The following CDK8 variants were observed in gnomAD, a reference collection of about 807,000 sequenced individuals.
CDK8 encodes cyclin-dependent kinase 8.
Under a neutral mutation model 71.5 loss-of-function variants are expected in CDK8, and 29 were observed. That is an observed-to-expected ratio of 0.41 (90% CI 0.30 to 0.55). The LOEUF (loss-of-function observed/expected upper bound fraction) is 0.55. CDK8 is among the 20% of genes least tolerant of loss of function. The pLI is 0.37. For synonymous variants in CDK8, 161 were observed against 192.1 expected (o/e 0.84, Z 1.34); for missense variants, 288 against 572.6 (o/e 0.50, Z 5.07).
At chr13:26,353,908 T>C (rs1358980521) in intron 4 of CDK8, 28 bp downstream of exon 4, 4 of 1,599,340 alleles carry the variant, frequency 2.5e-6, no homozygotes, top group Non-Finnish European at 3.4e-6. Flanking sequence ...TGGTTTAAAC[T>C]AGAAAGATGC....
chr13:26,299,921 A>T (rs1481220565), intron 1 of CDK8, among the ~76,000 whole-genome samples: 2 of 152,186 alleles, frequency 1.3e-5, no homozygotes, highest in African/African-American at 4.8e-5. Flanking sequence ...CTAATTTTTT[A>T]AAACAATTCT....
chr13:26,402,857 G>GT (rs1566001623), intron 12 of CDK8, among the ~76,000 whole-genome samples: 3 of 152,152 alleles, frequency 2.0e-5, no homozygotes, highest in African/African-American at 7.2e-5. Flanking sequence ...ATTGTTGTTG[G>GT]TTTTTTGTGG....
chr13:26,274,547 T>C (rs1401718423), intron 1 of CDK8, among the ~76,000 whole-genome samples: 1 of 151,872 alleles, frequency 6.6e-6, no homozygotes, highest in African/African-American at 2.4e-5. Context: ...TTCTCCTGCC[T>C]CAGCCTCCCG....
intron 1 of CDK8, among the ~76,000 whole-genome samples, chr13:26,270,849 A>G (rs1036926704): frequency 3.9e-5 from 6 of 152,192 alleles, no homozygotes; most frequent in African/African-American, 1.4e-4. Context: ...ATTATAACCA[A>G]GAGTGGAATT....
chr13:26,336,134 C>CACAT (rs1230911487), intron 1 of CDK8, among the ~76,000 whole-genome samples: 210 of 151,542 alleles, frequency 1.4e-3, no homozygotes, highest in African/African-American at 4.8e-3. Flanking sequence ...CACACACACA[C>CACAT]ACACACACAT....
At chr13:26,275,046 C>G (rs573690907) in intron 1 of CDK8, among the ~76,000 whole-genome samples, 1 of 152,218 alleles carries the variant, frequency 6.6e-6, no homozygotes, top group South Asian at 2.1e-4. Flanking sequence ...TTGAATAATT[C>G]TTTCTCAATT....
At chr13:26,352,626 C>T (rs1388214023) in intron 3 of CDK8, among the ~76,000 whole-genome samples, 1 of 152,002 alleles carries the variant, frequency 6.6e-6, no homozygotes, top group Non-Finnish European at 1.5e-5. Context: ...TGTTTGCCTG[C>T]TATTAAATAC....
At chr13:26,275,140 G>T (rs987344186) in intron 1 of CDK8, among the ~76,000 whole-genome samples, 2 of 151,998 alleles carry the variant, frequency 1.3e-5, no homozygotes, top group African/African-American at 4.8e-5. Context: ...CCATTGATCT[G>T]TCTATTCCTG....
At chr13:26,362,264 A>T (rs1565986180) in intron 4 of CDK8, among the ~76,000 whole-genome samples, 1 of 150,058 alleles carries the variant, frequency 6.7e-6, no homozygotes, top group Non-Finnish European at 1.5e-5. Context: ...GGATGGATGG[A>T]TGGATAGATA....
chr13:26,261,443 C>T (rs1365327455), intron 1 of CDK8, among the ~76,000 whole-genome samples: 2 of 152,114 alleles, frequency 1.3e-5, no homozygotes, highest in Non-Finnish European at 2.9e-5. Flanking sequence ...CAAAAAGAAA[C>T]CCATTAAGCA....
intron 6 of CDK8, among the ~76,000 whole-genome samples, chr13:26,392,302 T>G (rs1369942738): frequency 6.6e-6 from 1 of 150,482 alleles, no homozygotes; most frequent in Non-Finnish European, 1.5e-5. Context: ...CTTTTGTCAA[T>G]AATTCATTTG....
chr13:26,356,793 G>T (rs1873917267), intron 4 of CDK8, among the ~76,000 whole-genome samples: 1 of 152,004 alleles, frequency 6.6e-6, no homozygotes, highest in Admixed American at 6.6e-5. Flanking sequence ...AATATTTGTT[G>T]TTACTTGCAT....
Position 26,352,512 on chromosome 13 carries a change from G to A in CDK8, c.316-1228G>A, listed in dbSNP as rs7324669. ...ATTACAGGCGTGAGCCACCATGCCC[G>A]GCCCAAGAATCTTCTTCTTAAGGAG... is the stretch of plus-strand genomic sequence containing the variant. On this transcript the variant is annotated intron_variant, in intron 3 of 12. Transcript: ENST00000381527. 6.6e-3 allele frequency among the ~76,000 whole-genome samples: 1,002 copies of A among 152,128 alleles called. 10 individuals are homozygous for A. Among genetic ancestry groups the A allele is most frequent in the African/African-American group, 0.021 (866 of 41,500 alleles).
chr13:26,362,665 T>C (rs912058689), intron 4 of CDK8, among the ~76,000 whole-genome samples: 6 of 152,152 alleles, frequency 3.9e-5, no homozygotes, highest in Non-Finnish European at 5.9e-5. Context: ...CTTTCCACTT[T>C]AGTCTACTGT....
At chr13:26,323,980 G>GTTT in intron 1 of CDK8, among the ~76,000 whole-genome samples, 1 of 152,178 alleles carries the variant, frequency 6.6e-6, no homozygotes, top group African/African-American at 2.4e-5. Context: ...TCCCTAACAT[G>GTTT]TTTGTACCAG....
chr13:26,279,967 TTG>T (rs148491122), intron 1 of CDK8, among the ~76,000 whole-genome samples: 102 of 149,238 alleles, frequency 6.8e-4, no homozygotes, highest in Admixed American at 2.2e-3. Flanking sequence ...CAGAAGAAAA[TTG>T]TGTGTGTGTG....
At chr13:26,298,784 C>CA (rs1446095474) in intron 1 of CDK8, among the ~76,000 whole-genome samples, 1 of 152,162 alleles carries the variant, frequency 6.6e-6, no homozygotes, top group Non-Finnish European at 1.5e-5. Context: ...TAGACCACGG[C>CA]ACCCTTGGCA....
In CDK8 at chr13:26,355,102, T is replaced by C. The variant is rs545479305; in HGVS notation, c.456+1222T>C. Among the ~76,000 whole-genome samples, 8 of 152,332 alleles carry C rather than the reference T, an allele frequency of 5.3e-5. No individual in the cohort carries two copies. The South Asian group carries it at 1.4e-3, about 28-fold the overall frequency. ...TTCTTCACAAATTTAGTGGATTTAG[T>C]CTCTGGCCTTCAATGTGCTGTTCCA... On this transcript the variant is annotated intron_variant, in intron 4 of 12. Transcript: ENST00000381527.
At chr13:26,302,772 C>T (rs1242528959) in intron 1 of CDK8, among the ~76,000 whole-genome samples, 1 of 152,216 alleles carries the variant, frequency 6.6e-6, no homozygotes, top group African/African-American at 2.4e-5. Context: ...AGTCCATCTG[C>T]ACATATTGTA....
Sources: gnomAD v4.1 joint callset for allele counts (sites outside exome capture counted in the v4.1 genomes callset) on GRCh38, gnomAD v4.1.1 for gene constraint, MANE v1.5 for transcripts, NCBI Gene and HGNC (gene_info 2026-07-23, HGNC 2026-07-21) for gene names.